Variants in MYLK4 observed in about 807,000 individuals in gnomAD.
MYLK4 encodes myosin light chain kinase family member 4, also known as caMLCK like.
Under a neutral mutation model 48.1 loss-of-function variants are expected in MYLK4, and 46 were observed. That is an observed-to-expected ratio of 0.96 (90% confidence interval 0.75 to 1.22). MYLK4 has a LOEUF of 1.22. Among genes scored for constraint, MYLK4 ranks in the 50% most tolerant of loss-of-function variants. MYLK4 has a pLI of 0.00. For missense variants in MYLK4, 451 were observed against 486.1 expected (o/e 0.93, Z 0.68); for synonymous variants, 170 against 180.8 (o/e 0.94, Z 0.48).
At chr6:2,720,842 T>C (rs1480724618) in intron 2 of MYLK4, among the ~76,000 whole-genome samples, 3 of 151,912 alleles carry the variant, frequency 2.0e-5, no homozygotes, top group African/African-American at 2.4e-5. Flanking sequence ...CATCCAAATA[T>C]TAATAATAGG....
intron 4 of MYLK4, among the ~76,000 whole-genome samples, chr6:2,688,063 T>C (rs555693345): frequency 4.7e-5 from 6 of 128,384 alleles, no homozygotes; most frequent in African/African-American, 1.1e-4. Flanking sequence ...CTTTTCTTTT[T>C]TTTTCTTTTT....
chr6:2,714,263 T>G (rs1762786319), intron 2 of MYLK4, among the ~76,000 whole-genome samples: 1 of 152,214 alleles, frequency 6.6e-6, no homozygotes, highest in Admixed American at 6.5e-5. Context: ...CATGACTCCA[T>G]GACAGTTCAC....
intron 10 of MYLK4, 100 bp from the exon 11 acceptor site, chr6:2,675,225 T>A (rs917756683): frequency 1.2e-6 from 1 of 813,522 alleles, no homozygotes; most frequent in Non-Finnish European, 2.1e-6. Flanking sequence ...GGAGACCAGA[T>A]GGCCGAATGT....
chr6:2,751,731 T>C (rs1238197057), upstream of MYLK4, among the ~76,000 whole-genome samples: 1 of 152,208 alleles, frequency 6.6e-6, no homozygotes, highest in Non-Finnish European at 1.5e-5. Flanking sequence ...GCTCTTCTGC[T>C]TCTTTTAAAA....
At chr6:2,703,001 G>C (rs1582069293) in intron 2 of MYLK4, among the ~76,000 whole-genome samples, 1 of 152,136 alleles carries the variant, frequency 6.6e-6, no homozygotes, top group Admixed American at 6.5e-5. Flanking sequence ...TACCATCCTA[G>C]TTATTAAAAC....
chr6:2,750,389 T>C (rs755823450), intron 1 of MYLK4, among the ~76,000 whole-genome samples: 1 of 152,206 alleles, frequency 6.6e-6, no homozygotes, highest in Non-Finnish European at 1.5e-5. Flanking sequence ...AATGCAAATA[T>C]TAATACTATC....
the MYLK4 span, among the ~76,000 whole-genome samples, chr6:2,763,343 T>C: frequency 6.6e-6 from 1 of 152,232 alleles, no homozygotes; most frequent in East Asian, 1.9e-4. Flanking sequence ...CCTGCATTGC[T>C]CAGCTCTGGG....
chr6:2,708,999 A>G (rs1368740767), intron 2 of MYLK4, among the ~76,000 whole-genome samples: 3 of 152,150 alleles, frequency 2.0e-5, no homozygotes, highest in Non-Finnish European at 4.4e-5. Flanking sequence ...TATGGCCTTT[A>G]TCCTGTTAGT....
At chr6:2,731,792 A>C (rs766028934) in intron 2 of MYLK4, among the ~76,000 whole-genome samples, 11 of 152,234 alleles carry the variant, frequency 7.2e-5, no homozygotes, top group Admixed American at 1.3e-4. Context: ...CTGTGAGTCC[A>C]GTTTTATATG....
At chr6:2,696,895 A>G (rs982595818) in intron 2 of MYLK4, among the ~76,000 whole-genome samples, 1 of 152,098 alleles carries the variant, frequency 6.6e-6, no homozygotes, top group South Asian at 2.1e-4. Flanking sequence ...CTCCATCTCT[A>G]CTAAAAATAC....
chr6:2,732,968 T>G (rs1763530548), intron 2 of MYLK4, among the ~76,000 whole-genome samples: 1 of 152,196 alleles, frequency 6.6e-6, no homozygotes, highest in African/African-American at 2.4e-5. Context: ...GGAGTTGGAT[T>G]TCATTCAATT....
chr6:2,714,302 C>A lies in MYLK4; in HGVS notation c.160-21443G>T, dbSNP rs79261903. Among the ~76,000 whole-genome samples the A allele has an allele frequency of 6.1e-3, 936 of 152,324 alleles. 7 individuals carry two copies. Among genetic ancestry groups the A allele is most frequent in the East Asian group, 0.032 (164 of 5,188 alleles). On this transcript the variant is annotated intron_variant, in intron 2 of 12. Coordinates refer to ENST00000274643, the MANE Select transcript of MYLK4 (RefSeq NM_001012418.5). ...TGCAATGGCAACGTCCCAGAAGTTA[C>A]CCCCGCTTCTTAGAAAGTTCTAAGT...
At chr6:2,688,326 T>C (rs1761638927) in intron 4 of MYLK4, among the ~76,000 whole-genome samples, 1 of 152,238 alleles carries the variant, frequency 6.6e-6, no homozygotes, top group Non-Finnish European at 1.5e-5. Context: ...CCCAAAGTGC[T>C]GGGATTACAG....
intron 2 of MYLK4, among the ~76,000 whole-genome samples, chr6:2,738,447 T>G (rs1272500490): frequency 6.6e-6 from 1 of 152,264 alleles, no homozygotes; most frequent in Non-Finnish European, 1.5e-5. Flanking sequence ...CAGTGTAGTC[T>G]TTCCTAGCAG....
chr6:2,761,914 T>C, the MYLK4 span, among the ~76,000 whole-genome samples: 1 of 152,014 alleles, frequency 6.6e-6, no homozygotes, highest in African/African-American at 2.4e-5. Flanking sequence ...ATACATTAGG[T>C]TTTGTTTTTA....
At chr6:2,718,048 C>T (rs921405151) in intron 2 of MYLK4, among the ~76,000 whole-genome samples, 3 of 151,944 alleles carry the variant, frequency 2.0e-5, no homozygotes, top group South Asian at 2.1e-4. Context: ...GGAGTGGTGG[C>T]GCATGCCTGT....
intron 2 of MYLK4, among the ~76,000 whole-genome samples, chr6:2,705,099 A>C (rs1331932615): frequency 6.6e-6 from 1 of 152,234 alleles, no homozygotes; most frequent in African/African-American, 2.4e-5. Flanking sequence ...CCAGATTGCT[A>C]AGCAAAAATG....
At chr6:2,701,688 C>G (rs1762286000) in intron 2 of MYLK4, among the ~76,000 whole-genome samples, 1 of 152,212 alleles carries the variant, frequency 6.6e-6, no homozygotes, top group Non-Finnish European at 1.5e-5. Flanking sequence ...ATTTAGTCGC[C>G]TGGTCCAGTC....
At chr6:2,749,011 G>T in intron 2 of MYLK4, 125 bp downstream of exon 2, 1 of 850,136 alleles carries the variant, frequency 1.2e-6, no homozygotes. Flanking sequence ...AATTCTCACT[G>T]AAGCAAAGTG....
Sources: gnomAD v4.1 joint callset for allele counts (sites outside exome capture counted in the v4.1 genomes callset) on GRCh38, gnomAD v4.1.1 for gene constraint, MANE v1.5 for transcripts, NCBI Gene and HGNC (gene_info 2026-07-23, HGNC 2026-07-21) for gene names.